Variants in KIF13A observed in about 807,000 individuals in gnomAD.
The protein encoded by KIF13A is kinesin-like protein KIF13A.
KIF13A carries 79 observed loss-of-function variants against 212.2 expected under a neutral mutation model. That is an observed-to-expected ratio of 0.37 (90% CI 0.31 to 0.45). The LOEUF is 0.45. Among genes scored for constraint, KIF13A ranks in the 20% least tolerant of loss-of-function variants. KIF13A has a pLI of 1.00. For synonymous variants in KIF13A, 789 were observed against 808.6 expected, an observed-to-expected ratio of 0.98 and a Z score of 0.41; for missense variants, 1,901 against 2,209.0, an observed-to-expected ratio of 0.86 and a Z score of 2.79.
intron 20 of KIF13A, among the ~76,000 whole-genome samples, chr6:17,801,382 G>C (rs1011353790): frequency 1.3e-5 from 2 of 152,114 alleles, no homozygotes; most frequent in African/African-American, 4.8e-5. Flanking sequence ...GGTCATACCT[G>C]TAGTCCCAGC....
chr6:17,903,990 TA>T (rs981722323), intron 2 of KIF13A, among the ~76,000 whole-genome samples: 22 of 149,528 alleles, frequency 1.5e-4, no homozygotes, highest in Non-Finnish European at 3.2e-4. Flanking sequence ...CCATCTTTAC[TA>T]AAAATAAAAA....
intron 29 of KIF13A, among the ~76,000 whole-genome samples, chr6:17,781,952 AT>A (rs1760627430): frequency 6.6e-6 from 1 of 151,348 alleles, no homozygotes; most frequent in Admixed American, 6.6e-5. Flanking sequence ...TTTTGTTTTT[AT>A]TGAGATGGAG....
At chr6:17,774,978 T>C (rs755701451) in intron 35 of KIF13A, 37 bp downstream of exon 35, 23 of 1,552,974 alleles carry the variant, frequency 1.5e-5, no homozygotes, top group Non-Finnish European at 1.9e-5. Flanking sequence ...CAGACTAAGA[T>C]TCTACTAAAA....
chr6:17,802,620 G>A (rs899368326), intron 20 of KIF13A, among the ~76,000 whole-genome samples: 3 of 151,526 alleles, frequency 2.0e-5, no homozygotes, highest in East Asian at 3.9e-4. Flanking sequence ...AATGCTTTTC[G>A]ATAATCTAAT....
Position 17,968,392 on chromosome 6 carries a change from G to C in KIF13A, c.146+18662C>G, listed in dbSNP as rs1779509439. ...TCCTCTCTCCCTATGACAACAGGAG[G>C]AACAGCTTCTCATGCTGACTCACAA... On this transcript the variant is annotated intron_variant, in intron 2 of 38. Coordinates refer to ENST00000259711, the MANE Select transcript of KIF13A (RefSeq NM_022113.6). This position sits in a 1 kb window ranked among gnomAD's most constrained non-coding sequence, Gnocchi z 4.7. Among the ~76,000 whole-genome samples, 1 of 152,164 alleles carries C rather than the reference G, an allele frequency of 6.6e-6. No homozygotes were observed. Among genetic ancestry groups the C allele is most frequent in the Non-Finnish European group, 1.5e-5 (1 of 68,030 alleles).
At chr6:17,760,590 T>C, downstream of KIF13A, 1 of 561,870 alleles carries the variant, frequency 1.8e-6, no homozygotes, top group Non-Finnish European at 3.2e-6. Context: ...AAAAAAATAC[T>C]GTCACTTAGT....
chr6:17,984,451 G>T lies in KIF13A; in HGVS notation c.146+2603C>A. On this transcript the variant is annotated intron_variant, in intron 2 of 38. Coordinates refer to ENST00000259711, the MANE Select transcript of KIF13A (RefSeq NM_022113.6). This position sits in a 1 kb window ranked among gnomAD's most constrained non-coding sequence, Gnocchi z 5.0. ...AACTACTAACCTGGACCTATGCAAT[G>T]TATTACAATACTAGAATTTCAGCAA... 1 of 852,370 alleles carries T rather than the reference G, an allele frequency of 1.2e-6. No homozygotes were observed. Among genetic ancestry groups the T allele is most frequent in the Non-Finnish European group, 1.4e-6 (1 of 709,754 alleles). 52.8% of individuals were successfully genotyped at this position (852,370 alleles called of 1,614,324 possible).
Position 17,771,086 on chromosome 6 carries a change from A to G in KIF13A, c.4581+28T>C, listed in dbSNP as rs1006990110. On this transcript the variant is annotated intron_variant, in intron 38 of 38. Coordinates refer to ENST00000259711, the MANE Select transcript of KIF13A (RefSeq NM_022113.6). The surrounding 1 kb of genome is among the most constrained non-coding windows in gnomAD (Gnocchi z 5.4). ...AGGGCCTTAAACCCACCACCAGGCA[A>G]TATGACAGAAATGGTTCCGGAACTT... 6.1e-6 allele frequency: 9 copies of G among 1,475,190 alleles called. No individual in the cohort carries two copies. Among genetic ancestry groups the G allele is most frequent in the Non-Finnish European group, 8.5e-6 (9 of 1,061,002 alleles). 91.4% of individuals were successfully genotyped at this position (1,475,190 alleles called of 1,614,324 possible).
rs999950961 is a variant in KIF13A, at chr6:17,892,855, C to A, written c.159+5313G>T. Among the ~76,000 whole-genome samples the A allele has an allele frequency of 2.0e-5, 3 of 152,184 alleles. No homozygotes were observed. Among genetic ancestry groups the A allele is most frequent in the Admixed American group, 1.3e-4 (2 of 15,276 alleles). ...CCATCTGACTCTTCCTGAGTTTTATCCTTTATCAAAGCTGGCAATATTATG... is the reference window on the plus strand; with the variant it reads ...CCATCTGACTCTTCCTGAGTTTTATACTTTATCAAAGCTGGCAATATTATG... On this transcript the variant is annotated intron_variant, in intron 3 of 38. Transcript: ENST00000259711. The surrounding 1 kb of genome is among the most constrained non-coding windows in gnomAD (Gnocchi z 4.7).
chr6:17,853,823 T>TAA (rs1176208776), intron 6 of KIF13A, among the ~76,000 whole-genome samples: 1 of 152,214 alleles, frequency 6.6e-6, no homozygotes, highest in Non-Finnish European at 1.5e-5. Context: ...ACAATAGTAG[T>TAA]TACCTTGGGG....
At chr6:17,948,543 A>G (rs1332346597) in intron 2 of KIF13A, among the ~76,000 whole-genome samples, 1 of 149,738 alleles carries the variant, frequency 6.7e-6, no homozygotes, top group East Asian at 1.9e-4. Context: ...ACAGTACCAC[A>G]TAACATCCAT....
intron 9 of KIF13A, among the ~76,000 whole-genome samples, chr6:17,845,237 T>C (rs1029097365): frequency 7.2e-5 from 11 of 152,120 alleles, no homozygotes; most frequent in African/African-American, 1.9e-4. Context: ...TTAACTTCCA[T>C]TGAGTCCCTC....
At chr6:17,985,069 T>C (rs1277885212) in intron 2 of KIF13A, among the ~76,000 whole-genome samples, 1 of 152,204 alleles carries the variant, frequency 6.6e-6, no homozygotes, top group South Asian at 2.1e-4. Context: ...AATCCTAATG[T>C]ACAAGGAGCA....
At chr6:17,970,917 TAAGAGA>T (rs1779757177) in intron 2 of KIF13A, among the ~76,000 whole-genome samples, 1 of 152,126 alleles carries the variant, frequency 6.6e-6, no homozygotes, top group African/African-American at 2.4e-5. Context: ...AAAAAGCAAA[TAAGAGA>T]TTTCCAAGGG....
At chr6:17,784,748 C>A (rs900494987) in intron 28 of KIF13A, among the ~76,000 whole-genome samples, 4 of 152,136 alleles carry the variant, frequency 2.6e-5, no homozygotes, top group African/African-American at 9.7e-5. Context: ...AAGTGGCTGG[C>A]AGAATTACCG....
intron 19 of KIF13A, among the ~76,000 whole-genome samples, chr6:17,805,156 G>A (rs991540540): frequency 3.9e-5 from 6 of 152,104 alleles, no homozygotes; most frequent in East Asian, 1.9e-4. Flanking sequence ...TCACAGCACC[G>A]ATAAAATGGC....
Position 17,871,162 on chromosome 6 carries a change from A to G in KIF13A, c.220+2215T>C, listed in dbSNP as rs1018209834. Among the ~76,000 whole-genome samples the G allele has an allele frequency of 2.6e-5, 4 of 152,174 alleles. No homozygotes were observed. Among genetic ancestry groups the G allele is most frequent in the Admixed American group, 2.0e-4 (3 of 15,280 alleles). The stretch of plus-strand genomic sequence containing the variant: ...ATATGTTGACAAGTAATAATCATAT[A>G]TATTTATGGTATACAACATGATGTT... On this transcript the variant is annotated intron_variant, in intron 4 of 38. Coordinates refer to ENST00000259711, the MANE Select transcript of KIF13A (RefSeq NM_022113.6). This position sits in a 1 kb window ranked among gnomAD's most constrained non-coding sequence, Gnocchi z 4.4.
chr6:17,804,424 C>T lies in KIF13A; in HGVS notation c.2391G>A (p.Leu797=), dbSNP rs561527978. The change falls in exon 20 of 39, where the codon TTG becomes TTA. Residue 797 remains leucine, a synonymous_variant. Transcript: ENST00000259711. Reference sequence around the variant, plus strand: ...GTTTCACATCACAGAAGAGGCATTCCAAGAATACATTCGCCACCCCGATGA... The same window carrying T: ...GTTTCACATCACAGAAGAGGCATTCTAAGAATACATTCGCCACCCCGATGA... ...HNLIGVANVF[L]ECLFCDVKLQ... 26 of 1,566,552 alleles carry T rather than the reference C, an allele frequency of 1.7e-5. No individual in the cohort carries two copies. Among genetic ancestry groups the T allele is most frequent in the South Asian group, 7.1e-5 (6 of 84,966 alleles).
intron 23 of KIF13A, among the ~76,000 whole-genome samples, chr6:17,795,593 T>C (rs1487753585): frequency 9.9e-6 from 1 of 101,052 alleles, no homozygotes; most frequent in Non-Finnish European, 2.4e-5. Context: ...CAAGACTCCA[T>C]CTCAAAAAAA....
Sources: gnomAD v4.1 joint callset for allele counts (sites outside exome capture counted in the v4.1 genomes callset) on GRCh38, gnomAD v4.1.1 for gene constraint, Gnocchi (gnomAD v3.1) non-coding constraint, MANE v1.5 for transcripts, NCBI Gene and HGNC (gene_info 2026-07-23, HGNC 2026-07-21) for gene names.